GUCY1A1: variants seen among roughly 807,000 people sequenced by gnomAD.
GUCY1A1 encodes the protein guanylate cyclase 1 soluble subunit alpha 1.
In GUCY1A1, 48 loss-of-function variants were observed where a neutral mutation model predicts 64.5. That is an observed-to-expected ratio of 0.74 (90% CI 0.59 to 0.95). The LOEUF (loss-of-function observed/expected upper bound fraction) is 0.95. Among genes scored for constraint, GUCY1A1 ranks in the 40% least tolerant of loss-of-function variants. GUCY1A1 has a pLI of 0.00. For missense variants in GUCY1A1, 804 were observed against 825.3 expected, an observed-to-expected ratio of 0.97 and a Z score of 0.32; for synonymous variants, 308 against 303.4, an observed-to-expected ratio of 1.02 and a Z score of -0.16.
chr4:155,673,179 A>G (rs1734390061), intron 2 of GUCY1A1, among the ~76,000 whole-genome samples: 1 of 151,320 alleles, frequency 6.6e-6, no homozygotes, highest in South Asian at 2.1e-4. Flanking sequence ...AACTTATTTT[A>G]TGTCTTATAT....
At chr4:155,672,832 T>C (rs1219916258) in intron 2 of GUCY1A1, among the ~76,000 whole-genome samples, 2 of 152,234 alleles carry the variant, frequency 1.3e-5, no homozygotes, top group African/African-American at 2.4e-5. Context: ...AACAATTCCT[T>C]TATTTTATCC....
In GUCY1A1 at chr4:155,713,228, A is replaced by G; in HGVS notation, c.1217A>G (p.His406Arg). The change falls in exon 7 of 10, where the codon CAC becomes CGC. Residue 406 changes from histidine (H) to arginine (R), a missense_variant. His to Arg is a conservative substitution (Grantham distance 29). Transcript: ENST00000506455. ...RGLYLSDIPI[H>R]NALRDVVLIG... ...CTCTACCTCTCAGACATCCCAATTC[A>G]CAATGCACTGAGGGATGTGGTCTTA... The G allele has an allele frequency of 6.2e-7, 1 of 1,614,122 alleles. No homozygotes were observed. The highest frequency in any genetic ancestry group is 2.2e-5 in the East Asian group (1 of 44,866).
In GUCY1A1 at chr4:155,710,838, G is replaced by T. The variant is rs769362284; in HGVS notation, c.673G>T (p.Val225Leu). ...LPGIIKAAAH[V>L]LYETEVEVSL... is the part of the protein sequence containing the mutation. The stretch of plus-strand genomic sequence containing the variant: ...CGGCATCATAAAGGCAGCTGCTCAC[G>T]TATTATATGAAACGGAAGTGGAAGT... The change falls in exon 6 of 10, where the codon GTA becomes TTA. Residue 225 changes from valine (V) to leucine (L), a missense_variant. Val to Leu is a conservative substitution (Grantham distance 32, BLOSUM62 1). Transcript: ENST00000506455. 6.2e-7 allele frequency: 1 copy of T among 1,614,078 alleles called. No homozygotes were observed. The highest frequency in any genetic ancestry group is 1.7e-5 in the Admixed American group (1 of 60,014).
chr4:155,730,089 C>G lies in GUCY1A1; in HGVS notation c.1931C>G (p.Pro644Arg). ...CCTCGATCAAGGGAGGAACTTCCAC[C>G]AAACTTCCCTAGTGAAATCCCCGGA... ...FTPRSREELP[P>R]NFPSEIPGIC... Residue 644 changes from proline (P) to arginine (R), a missense_variant, in exon 10 of 10, where the codon CCA becomes CGA. Physicochemically the swap from Pro to Arg is moderately radical, Grantham distance 103 (BLOSUM62 -2). Transcript: ENST00000506455. 6.2e-7 allele frequency: 1 copy of G among 1,610,786 alleles called. No individual in the cohort carries two copies. Among genetic ancestry groups the G allele is most frequent in the East Asian group, 2.2e-5 (1 of 44,800 alleles).
chr4:155,709,252 G>C (rs1390194634), intron 5 of GUCY1A1, among the ~76,000 whole-genome samples: 1 of 151,986 alleles, frequency 6.6e-6, no homozygotes, highest in Admixed American at 6.6e-5. Flanking sequence ...GCCACCAAAG[G>C]CTCTGCCATC....
At chr4:155,669,662 A>G (rs920631272) in intron 2 of GUCY1A1, among the ~76,000 whole-genome samples, 3 of 152,172 alleles carry the variant, frequency 2.0e-5, no homozygotes, top group African/African-American at 7.2e-5. Context: ...AAGTATATCT[A>G]TTACAAATAC....
At chr4:155,700,810 C>A (rs1730984770) in intron 3 of GUCY1A1, among the ~76,000 whole-genome samples, 1 of 152,042 alleles carries the variant, frequency 6.6e-6, no homozygotes, top group African/African-American at 2.4e-5. Flanking sequence ...TAGTGATAGA[C>A]AACTAAAAGA....
rs762461731 is a variant in GUCY1A1 at position 155,711,202 on chromosome 4, T to C, written c.1037T>C (p.Phe346Ser). The C allele has an allele frequency of 6.1e-5, 99 of 1,612,678 alleles. No homozygotes were observed. Among genetic ancestry groups the C allele is most frequent in the Non-Finnish European group, 8.1e-5 (96 of 1,178,822 alleles). The change falls in exon 6 of 10, where the codon TTT (phenylalanine) becomes TCT (serine). Residue 346 changes from phenylalanine to serine, a missense_variant. Coordinates refer to ENST00000506455, the MANE Select transcript of GUCY1A1 (RefSeq NM_001130682.3). ...ATCATGACTATGTTGAATATGCAGT[T>C]TGTTGTACGAGTGAGGAGATGGGAC... is the stretch of plus-strand genomic sequence containing the variant. The part of the protein sequence containing the change: ...SGIMTMLNMQ[F>S]VVRVRRWDNS...
At chr4:155,692,943 C>T (rs1405595535) in intron 2 of GUCY1A1, among the ~76,000 whole-genome samples, 1 of 152,070 alleles carries the variant, frequency 6.6e-6, no homozygotes, top group Non-Finnish European at 1.5e-5. Flanking sequence ...CCTGTAATCC[C>T]AGCTACTTGG....
At chr4:155,723,939 G>C (rs1464527602) in intron 9 of GUCY1A1, among the ~76,000 whole-genome samples, 1 of 152,124 alleles carries the variant, frequency 6.6e-6, no homozygotes, top group Non-Finnish European at 1.5e-5. Flanking sequence ...TAGGATTACA[G>C]GCGTGAGCCA....
In GUCY1A1 at chr4:155,736,929, C is replaced by T. The variant is rs759467723; in HGVS notation, c.*6698C>T. 4.0e-5 allele frequency: 6 copies of T among 151,826 alleles called. 1 individual carries two copies. Among genetic ancestry groups the T allele is most frequent in the East Asian group, 1.9e-4 (1 of 5,166 alleles). The allele number at this position is 151,826 out of a possible 1,614,324, so 9.4% of individuals were successfully genotyped here. The stretch of plus-strand genomic sequence containing the variant: ...GTTACTTTAAATGACATATTTATTT[C>T]GAGTTTTACTTCTGGCTGAGTTGCA... On this transcript the variant is annotated 3_prime_UTR_variant, in exon 10 of 10. Coordinates refer to ENST00000506455, the MANE Select transcript of GUCY1A1 (RefSeq NM_001130682.3).
chr4:155,702,991 C>A (rs1731293496), intron 3 of GUCY1A1, among the ~76,000 whole-genome samples: 1 of 150,594 alleles, frequency 6.6e-6, no homozygotes. Flanking sequence ...ATATATATCT[C>A]TATATATACA....
At chr4:155,669,911 G>C (rs920683408) in intron 2 of GUCY1A1, among the ~76,000 whole-genome samples, 3 of 152,068 alleles carry the variant, frequency 2.0e-5, no homozygotes, top group African/African-American at 7.2e-5. Context: ...AAAATAACAC[G>C]ATCTGCACCC....
chr4:155,708,379 T>C (rs1732088185), intron 5 of GUCY1A1, 85 bp downstream of exon 5: 1 of 745,872 alleles, frequency 1.3e-6, no homozygotes, highest in Non-Finnish European at 2.4e-6. Context: ...TATTTATTTG[T>C]TGGTGACTCC....
In GUCY1A1 at chr4:155,710,717, G is replaced by C; in HGVS notation, c.552G>C (p.Arg184Ser). Residue 184 changes from arginine to serine, a missense_variant, in exon 6 of 10, where the codon AGG (arginine) becomes AGC (serine). Transcript: ENST00000506455. ...GCCAAGAAGCAGGAAAAAGGGGCAG[G>C]CTTGAGGACGCCTCCATTCTATGCC... ...SHCQEAGKRG[R>S]LEDASILCLD... 1 of 1,614,130 alleles carries C rather than the reference G, an allele frequency of 6.2e-7. No individual in the cohort carries two copies.
At position 155,696,772 on chromosome 4, in the gene GUCY1A1, T is replaced by C; in HGVS notation, c.-96T>C. The C allele has an allele frequency of 8.9e-7, 1 of 1,124,598 alleles. No individual in the cohort carries two copies. The highest frequency in any genetic ancestry group is 1.5e-5 in the South Asian group (1 of 68,002). The allele number at this position is 1,124,598 out of a possible 1,614,324, so 69.7% of individuals were successfully genotyped here. On this transcript the variant is annotated 5_prime_UTR_variant, in exon 3 of 10. Transcript: ENST00000506455. The stretch of plus-strand genomic sequence containing the variant: ...TGTCCATAGACATCCCAGTTACCAG[T>C]GTCCTTGAATTGATAGTGGCTTCTG...
At chr4:155,688,012 A>G (rs534760296) in intron 2 of GUCY1A1, among the ~76,000 whole-genome samples, 1 of 152,126 alleles carries the variant, frequency 6.6e-6, no homozygotes, top group South Asian at 2.1e-4. Context: ...TCATGAGGTC[A>G]GGAGATCGAG....
At chr4:155,706,819 T>C (rs1731841752) in intron 4 of GUCY1A1, among the ~76,000 whole-genome samples, 1 of 152,202 alleles carries the variant, frequency 6.6e-6, no homozygotes, top group African/African-American at 2.4e-5. Flanking sequence ...TTGGCAAATT[T>C]TGTCATAATC....
intron 2 of GUCY1A1, among the ~76,000 whole-genome samples, chr4:155,669,302 A>G (rs1391596496): frequency 6.6e-6 from 1 of 152,064 alleles, no homozygotes; most frequent in East Asian, 1.9e-4. Context: ...ACGACAGAAA[A>G]TAAAAATTAT....
Sources: allele counts gnomAD v4.1 joint callset (sites outside exome capture counted in the v4.1 genomes callset), GRCh38; gene constraint gnomAD v4.1.1; transcripts MANE v1.5; gene names NCBI Gene and HGNC (gene_info 2026-07-23, HGNC 2026-07-21).